Variants in MAPRE2 observed in about 807,000 individuals in gnomAD.
MAPRE2 encodes microtubule-associated protein RP/EB family member 2.
MAPRE2 carries 13 observed loss-of-function variants against 43.2 expected under a neutral mutation model. The ratio of observed to expected loss-of-function variants is 0.30; its 90% CI spans 0.20 to 0.48. The LOEUF is 0.48. Ranked by LOEUF, MAPRE2 falls within the 20% of genes least tolerant of loss-of-function variation. MAPRE2 has a pLI of 0.99. For missense variants in MAPRE2, 161 were observed against 400.2 expected, an observed-to-expected ratio of 0.40 and a Z score of 5.10; for synonymous variants, 135 against 148.8, an observed-to-expected ratio of 0.91 and a Z score of 0.68.
At chr18:35,091,532 A>G (rs1238566873) in intron 2 of MAPRE2, among the ~76,000 whole-genome samples, 1 of 152,204 alleles carries the variant, frequency 6.6e-6, no homozygotes, top group African/African-American at 2.4e-5. Flanking sequence ...AAAAATACCA[A>G]TGGCATTCTT....
chr18:35,023,807 T>A (rs2097043415), intron 2 of MAPRE2, among the ~76,000 whole-genome samples: 1 of 152,126 alleles, frequency 6.6e-6, no homozygotes, highest in South Asian at 2.1e-4. Flanking sequence ...AGCCACTGAC[T>A]AAATGATGCC....
At chr18:35,052,145 G>A (rs1004211196) in intron 1 of MAPRE2, among the ~76,000 whole-genome samples, 1 of 152,256 alleles carries the variant, frequency 6.6e-6, no homozygotes, top group East Asian at 1.9e-4. Context: ...AGTTTTGGCA[G>A]TGTGTCCACC....
intron 5 of MAPRE2, chr18:35,127,338 G>A: frequency 2.4e-6 from 1 of 419,534 alleles, no homozygotes; most frequent in Non-Finnish European, 4.4e-6. Context: ...CAGACTTCAG[G>A]CTACCTTCCC....
At chr18:35,055,537 C>CTGTGTGTGTGTGTG (rs34194364) in intron 1 of MAPRE2, among the ~76,000 whole-genome samples, 15,449 of 146,400 alleles carry the variant, frequency 0.11, 790 homozygotes, top group South Asian at 0.13. Flanking sequence ...ATTCAGTTCT[C>CTGTGTGTGTGTGTG]TGTGTGTGTG....
intron 2 of MAPRE2, among the ~76,000 whole-genome samples, chr18:35,017,813 A>T (rs966840452): frequency 3.3e-5 from 5 of 151,168 alleles, no homozygotes; most frequent in African/African-American, 1.2e-4. Flanking sequence ...GATGCCTTTT[A>T]TTTCTTTCTC....
At chr18:35,066,100 A>G (rs1284885127) in intron 1 of MAPRE2, among the ~76,000 whole-genome samples, 1 of 152,244 alleles carries the variant, frequency 6.6e-6, no homozygotes, top group African/African-American at 2.4e-5. Context: ...AATAGTTAGT[A>G]TGACCTTACC....
chr18:35,092,572 A>T lies in MAPRE2; in HGVS notation c.251-4874A>T, dbSNP rs73412773. ...TCTGGGCAAAGATTTTTTGGGTAAG[A>T]CCTTAAAAGCACAGCTAACAAAAGC... On this transcript the variant is annotated intron_variant, in intron 2 of 6. Transcript: ENST00000300249. Among the ~76,000 whole-genome samples the T allele has an allele frequency of 1.2e-3, 189 of 152,342 alleles. 1 individual carries two copies. The highest frequency in any genetic ancestry group is 4.4e-3 in the African/African-American group (183 of 41,590).
intron 2 of MAPRE2, among the ~76,000 whole-genome samples, chr18:35,013,146 T>C (rs912179379): frequency 6.6e-6 from 1 of 152,162 alleles, no homozygotes; most frequent in Admixed American, 6.5e-5. Context: ...AATGTCATGT[T>C]CAGAATGGGA....
At chr18:35,076,783 C>T (rs1345967784) in intron 2 of MAPRE2, among the ~76,000 whole-genome samples, 1 of 152,166 alleles carries the variant, frequency 6.6e-6, no homozygotes, top group East Asian at 1.9e-4. Flanking sequence ...GGGATATTCT[C>T]AGGAAACCAT....
chr18:35,029,325 C>G (rs762250085), intron 2 of MAPRE2, among the ~76,000 whole-genome samples: 2 of 152,210 alleles, frequency 1.3e-5, no homozygotes, highest in Non-Finnish European at 2.9e-5. Context: ...TCCCTTGACA[C>G]GCTGTCGAGG....
At chr18:35,136,551 T>G (rs1910400250) in intron 6 of MAPRE2, among the ~76,000 whole-genome samples, 1 of 152,164 alleles carries the variant, frequency 6.6e-6, no homozygotes, top group Non-Finnish European at 1.5e-5. Flanking sequence ...ACAGCGAAGA[T>G]GGCATTTGTG....
intron 6 of MAPRE2, among the ~76,000 whole-genome samples, chr18:35,138,609 G>A (rs1288392635): frequency 6.6e-6 from 1 of 152,130 alleles, no homozygotes; most frequent in Non-Finnish European, 1.5e-5. Flanking sequence ...TTTACCATGT[G>A]CCAAATACTC....
chr18:35,122,332 A>G lies in MAPRE2; in HGVS notation c.611-4616A>G, dbSNP rs563638846. 5.3e-5 allele frequency among the ~76,000 whole-genome samples: 8 copies of G among 152,028 alleles called. No individual in the cohort carries two copies. In the East Asian group the frequency reaches 1.5e-3, roughly 29 times the overall value. ...GTTAATTATGGGGTTTTTTTGTTGT[A>G]GTTGTTGTTTTACCCAAACCTCGGA... On this transcript the variant is annotated intron_variant, in intron 4 of 6. Coordinates refer to ENST00000300249, the MANE Select transcript of MAPRE2 (RefSeq NM_014268.4).
chr18:35,007,630 A>T lies in MAPRE2; in HGVS notation c.-8+2077A>T, dbSNP rs368203156. ...CCTGCAGGCCATCATTTGCGCATCC[A>T]TGATAGATAACAGAGATGGGTTAAG... On this transcript the variant is annotated intron_variant, in intron 2 of 7. Coordinates refer to the MAPRE2 transcript ENST00000413393. Among the ~76,000 whole-genome samples the T allele has an allele frequency of 1.1e-4, 16 of 152,348 alleles. 1 individual carries two copies. The highest frequency in any genetic ancestry group is 4.6e-4 in the Admixed American group (7 of 15,312).
At chr18:35,048,154 A>C (rs922357179) in intron 1 of MAPRE2, among the ~76,000 whole-genome samples, 2 of 152,182 alleles carry the variant, frequency 1.3e-5, no homozygotes, top group Non-Finnish European at 2.9e-5. Flanking sequence ...AAGCGGGAGC[A>C]GGCATGTCTC....
intron 2 of MAPRE2, among the ~76,000 whole-genome samples, chr18:35,019,596 C>A (rs1259133696): frequency 6.6e-6 from 1 of 151,938 alleles, no homozygotes; most frequent in Non-Finnish European, 1.5e-5. Flanking sequence ...ATGTCATAAG[C>A]AGTTTTCCAT....
rs1171440622 is a variant in MAPRE2, at chr18:35,140,558, G to A, written c.*189G>A. 6.9e-6 allele frequency: 4 copies of A among 581,556 alleles called. No homozygotes were observed. Among genetic ancestry groups the A allele is most frequent in the South Asian group, 4.7e-5 (2 of 42,122 alleles). 36.0% of individuals were successfully genotyped at this position (581,556 alleles called of 1,614,324 possible). On this transcript the variant is annotated 3_prime_UTR_variant, in exon 7 of 7. Coordinates refer to ENST00000300249, the MANE Select transcript of MAPRE2 (RefSeq NM_014268.4). ...TCTTTGCCAAGGTGTATTAGCGGACGGCCCTCTGGCCACCTACCCGAGAGA... is the reference window on the plus strand; with the variant it reads ...TCTTTGCCAAGGTGTATTAGCGGACAGCCCTCTGGCCACCTACCCGAGAGA...
intron 1 of MAPRE2, among the ~76,000 whole-genome samples, chr18:35,056,773 A>C (rs974747755): frequency 9.2e-5 from 14 of 152,188 alleles, no homozygotes; most frequent in Non-Finnish European, 8.8e-5. Flanking sequence ...ACTAATTGTT[A>C]CTGTTCTGTC....
chr18:35,061,122 G>A (rs1906502731), intron 1 of MAPRE2, among the ~76,000 whole-genome samples: 1 of 152,092 alleles, frequency 6.6e-6, no homozygotes, highest in Non-Finnish European at 1.5e-5. Flanking sequence ...ATGGAACTTT[G>A]TATGCACATT....
Sources: allele counts gnomAD v4.1 joint callset (sites outside exome capture counted in the v4.1 genomes callset), GRCh38; gene constraint gnomAD v4.1.1; transcripts MANE v1.5; gene names NCBI Gene and HGNC (gene_info 2026-07-23, HGNC 2026-07-21).